The following DAB1 variants were observed in gnomAD, a reference collection of about 807,000 sequenced individuals.
DAB1 encodes disabled homolog 1.
A neutral mutation model predicts 64.6 loss-of-function variants in DAB1; 15 were observed. That is an observed-to-expected ratio of 0.23 (90% CI 0.16 to 0.36). The LOEUF (loss-of-function observed/expected upper bound fraction) is 0.36. Among genes scored for constraint, DAB1 ranks in the 10% least tolerant of loss-of-function variants. The pLI is 1.00. For missense variants in DAB1, 596 were observed against 706.7 expected (o/e 0.84, Z 1.78); for synonymous variants, 235 against 251.9 (o/e 0.93, Z 0.64).
In DAB1 at chr1:57,250,350, T is replaced by G. The variant is rs375935420; in HGVS notation, c.67+40614A>C. Among the ~76,000 whole-genome samples, 92 of 152,310 alleles carry G rather than the reference T, an allele frequency of 6.0e-4. 1 individual carries two copies. The South Asian group carries it at 0.017, about 27-fold the overall frequency. On this transcript the variant is annotated intron_variant, in intron 2 of 14. Transcript: ENST00000371236. Reference sequence around the variant, plus strand: ...TCACTAATGTTTCAATATCTTTGTATGTATTCAGGTTATAATTATTGAGGA... The same window carrying G: ...TCACTAATGTTTCAATATCTTTGTAGGTATTCAGGTTATAATTATTGAGGA...
At chr1:57,004,327 C>T (rs761664192) in intron 14 of DAB1, among the ~76,000 whole-genome samples, 1 of 152,190 alleles carries the variant, frequency 6.6e-6, no homozygotes, top group Non-Finnish European at 1.5e-5. Context: ...TTACTTTCTG[C>T]CCATTTAATA....
At chr1:57,178,104 G>A (rs1662527040) in intron 2 of DAB1, among the ~76,000 whole-genome samples, 1 of 152,106 alleles carries the variant, frequency 6.6e-6, no homozygotes, top group South Asian at 2.1e-4. Context: ...AAAGTACCAA[G>A]TATTGATAAG....
intron 5 of DAB1, among the ~76,000 whole-genome samples, chr1:58,085,009 G>C (rs1345601125): frequency 6.6e-6 from 1 of 152,168 alleles, no homozygotes; most frequent in Non-Finnish European, 1.5e-5. Context: ...GTCTTTGAAA[G>C]CAGATGGGTA....
chr1:58,038,391 G>C (rs980619926), intron 5 of DAB1, among the ~76,000 whole-genome samples: 2 of 150,626 alleles, frequency 1.3e-5, no homozygotes, highest in East Asian at 3.9e-4. Context: ...AGATCACCTT[G>C]TTATCTAGGT....
chr1:57,981,198 A>G (rs1452265558), intron 5 of DAB1, among the ~76,000 whole-genome samples: 1 of 152,138 alleles, frequency 6.6e-6, no homozygotes, highest in Admixed American at 6.6e-5. Context: ...AAGGCATACT[A>G]AAATCTACTT....
chr1:57,919,855 T>A (rs908303351), intron 5 of DAB1, among the ~76,000 whole-genome samples: 7 of 152,218 alleles, frequency 4.6e-5, no homozygotes, highest in African/African-American at 1.7e-4. Flanking sequence ...TACAAAGTAG[T>A]TCTGCATGTG....
At chr1:58,176,296 A>G (rs142654192) in intron 4 of DAB1, among the ~76,000 whole-genome samples, 89 of 152,332 alleles carry the variant, frequency 5.8e-4, no homozygotes, top group African/African-American at 2.1e-3. Context: ...AATTTAAGAC[A>G]ATATTCACTA....
At chr1:57,913,243 C>G (rs1202807) in intron 5 of DAB1, among the ~76,000 whole-genome samples, 97,067 of 151,422 alleles carry the variant, frequency 0.64, 31,527 homozygotes, top group African/African-American at 0.75. Flanking sequence ...TACCAAAACA[C>G]AGATATAGAC....
intron 5 of DAB1, among the ~76,000 whole-genome samples, chr1:57,947,013 A>G (rs1262801142): frequency 1.3e-5 from 2 of 152,190 alleles, no homozygotes; most frequent in Non-Finnish European, 2.9e-5. Context: ...TAGTCTTAGT[A>G]TCATGGCAAT....
chr1:58,327,848 C>A (rs184210555), intron 4 of DAB1, among the ~76,000 whole-genome samples: 1 of 152,184 alleles, frequency 6.6e-6, no homozygotes, highest in East Asian at 1.9e-4. Flanking sequence ...GAAATAAGCA[C>A]TATCATATTA....
rs746978156 is a variant in DAB1, at chr1:58,437,194, G to C, written n.257+68866C>G. On this transcript the variant is annotated intron_variant and non_coding_transcript_variant, in intron 3 of 20. Transcript: ENST00000485760. ...GCCTGGAGAGCTGGTTAATGATTCA[G>C]ATTCTCAGGCCTCACCTCGGAGAGT... 6.6e-5 allele frequency among the ~76,000 whole-genome samples: 10 copies of C among 152,324 alleles called. 1 individual carries two copies. The South Asian group carries it at 2.1e-3, about 32-fold the overall frequency.
chr1:57,976,515 C>T (rs546421198), intron 5 of DAB1, among the ~76,000 whole-genome samples: 15 of 152,228 alleles, frequency 9.9e-5, no homozygotes, highest in South Asian at 8.3e-4. Context: ...ATTTCCCCAG[C>T]GTCTGGTTGG....
chr1:57,933,496 T>C (rs927715518), intron 5 of DAB1, among the ~76,000 whole-genome samples: 1 of 152,232 alleles, frequency 6.6e-6, no homozygotes, highest in Admixed American at 6.5e-5. Flanking sequence ...AGTACTCTTC[T>C]GTGTAATGCT....
At chr1:57,244,093 T>C (rs1186658618) in intron 2 of DAB1, among the ~76,000 whole-genome samples, 1 of 152,240 alleles carries the variant, frequency 6.6e-6, no homozygotes, top group Non-Finnish European at 1.5e-5. Flanking sequence ...CTATATATTC[T>C]CTTTTTGTGT....
intron 5 of DAB1, among the ~76,000 whole-genome samples, chr1:57,999,179 A>T (rs191254443): frequency 4.6e-5 from 7 of 152,190 alleles, no homozygotes; most frequent in Admixed American, 1.3e-4. Context: ...CCAGGGTCCT[A>T]TGCTAAGTAT....
intron 7 of DAB1, among the ~76,000 whole-genome samples, chr1:57,471,659 C>T (rs546817648): frequency 1.3e-5 from 2 of 152,160 alleles, no homozygotes; most frequent in South Asian, 2.1e-4. Flanking sequence ...TCTTGTCTGC[C>T]GCCATGTAAG....
intron 7 of DAB1, among the ~76,000 whole-genome samples, chr1:57,645,077 G>T (rs974836278): frequency 6.6e-6 from 1 of 152,118 alleles, no homozygotes; most frequent in Admixed American, 6.6e-5. Context: ...TGCTGCCAAG[G>T]TTCATCTGGA....
At chr1:57,815,333 G>A (rs1651806746) in intron 6 of DAB1, among the ~76,000 whole-genome samples, 1 of 152,082 alleles carries the variant, frequency 6.6e-6, no homozygotes, top group Non-Finnish European at 1.5e-5. Context: ...CTCCCAAAGT[G>A]CTGGGATTAC....
chr1:58,397,649 A>G (rs905946807), intron 3 of DAB1, among the ~76,000 whole-genome samples: 1 of 152,178 alleles, frequency 6.6e-6, no homozygotes, highest in African/African-American at 2.4e-5. Context: ...GACTCATAGC[A>G]TTCCTGCCTC....
Sources: gnomAD v4.1 joint callset for allele counts (sites outside exome capture counted in the v4.1 genomes callset) on GRCh38, gnomAD v4.1.1 for gene constraint, MANE v1.5 for transcripts, NCBI Gene and HGNC (gene_info 2026-07-23, HGNC 2026-07-21) for gene names.